The following ADAM12 variants were observed in gnomAD, a reference collection of about 807,000 sequenced individuals.
ADAM12 encodes the protein disintegrin and metalloproteinase domain-containing protein 12.
A neutral mutation model predicts 106.4 loss-of-function variants in ADAM12; 70 were observed. The observed-to-expected ratio is 0.66, with a 90% CI of 0.54 to 0.80. The LOEUF (loss-of-function observed/expected upper bound fraction) is 0.80. ADAM12 is among the 30% of genes least tolerant of loss of function. The pLI is 0.00. For missense variants in ADAM12, 1,010 were observed against 1,171.9 expected (o/e 0.86, Z 2.02); for synonymous variants, 420 against 433.5 (o/e 0.97, Z 0.39).
intron 3 of ADAM12, among the ~76,000 whole-genome samples, chr10:126,193,909 A>G (rs111639870): frequency 5.7e-5 from 6 of 105,246 alleles, no homozygotes; most frequent in Non-Finnish European, 9.4e-5. Context: ...AAAATGAAAT[A>G]AAATAAAATA....
intron 21 of ADAM12, among the ~76,000 whole-genome samples, chr10:126,022,266 A>AT (rs1260414535): frequency 1.3e-5 from 2 of 152,216 alleles, no homozygotes; most frequent in Non-Finnish European, 2.9e-5. Context: ...AAGATAAATT[A>AT]TATGGTCACC....
intron 1 of ADAM12, among the ~76,000 whole-genome samples, chr10:126,341,175 C>G (rs186354557): frequency 1.3e-5 from 2 of 152,262 alleles, no homozygotes; most frequent in African/African-American, 4.8e-5. Context: ...CTTCCCGGCC[C>G]GTCATCCTTT....
chr10:126,149,933 T>C (rs1460954629), intron 4 of ADAM12, among the ~76,000 whole-genome samples: 1 of 152,228 alleles, frequency 6.6e-6, no homozygotes, highest in Non-Finnish European at 1.5e-5. Flanking sequence ...CTCCCCTTCA[T>C]ATATACATCT....
intron 5 of ADAM12, among the ~76,000 whole-genome samples, chr10:126,121,282 CTATAT>C (rs1319807933): frequency 2.1e-4 from 22 of 107,018 alleles, no homozygotes; most frequent in Non-Finnish European, 3.4e-4. Context: ...ATATAATATA[CTATAT>C]TATATTATAC....
chr10:126,347,431 C>T (rs1177328404), intron 1 of ADAM12, among the ~76,000 whole-genome samples: 2 of 152,208 alleles, frequency 1.3e-5, no homozygotes, highest in South Asian at 2.1e-4. Flanking sequence ...GTAACCCGAC[C>T]TTTCTCTCTG....
intron 3 of ADAM12, among the ~76,000 whole-genome samples, chr10:126,196,729 G>T (rs1297192802): frequency 6.6e-6 from 1 of 152,124 alleles, no homozygotes; most frequent in Non-Finnish European, 1.5e-5. Flanking sequence ...CATAGTTCAT[G>T]GTAACTGCCT....
chr10:126,190,863 G>A (rs897367911), intron 3 of ADAM12, among the ~76,000 whole-genome samples: 9 of 152,096 alleles, frequency 5.9e-5, no homozygotes, highest in African/African-American at 2.2e-4. Context: ...TAAGATAGTG[G>A]GGTTAGAGCA....
intron 2 of ADAM12, among the ~76,000 whole-genome samples, chr10:126,284,025 C>T (rs1959719143): frequency 6.6e-6 from 1 of 152,142 alleles, no homozygotes; most frequent in African/African-American, 2.4e-5. Flanking sequence ...TGTTCCAGCA[C>T]CATTTGTTAA....
At chr10:126,039,573 G>C in intron 18 of ADAM12, 144 bp from the exon 19 acceptor site, 8 of 971,806 alleles carry the variant, frequency 8.2e-6, no homozygotes, top group Non-Finnish European at 1.2e-5. Context: ...CTAATAAACT[G>C]TCTTACTTCA....
intron 1 of ADAM12, among the ~76,000 whole-genome samples, chr10:126,346,903 A>G (rs1200128461): frequency 2.0e-5 from 3 of 151,856 alleles, no homozygotes; most frequent in Non-Finnish European, 4.4e-5. Context: ...CTTTATTTTG[A>G]GCCTATGTGT....
rs182397427 is a variant in ADAM12, at chr10:126,368,958, C to T, written c.88+19100G>A. On this transcript the variant is annotated intron_variant, in intron 1 of 22. Transcript: ENST00000448723. Reference sequence around the variant, plus strand: ...AGCTAAAATTAATAGAGACCTCTTGCGATTTTTATTAGACTATCAGCTCAC... The same window carrying T: ...AGCTAAAATTAATAGAGACCTCTTGTGATTTTTATTAGACTATCAGCTCAC... Among the ~76,000 whole-genome samples, 363 of 152,168 alleles carry T rather than the reference C, an allele frequency of 2.4e-3. 8 individuals are homozygous for T. In the South Asian group the frequency reaches 0.025, roughly 10 times the overall value.
chr10:126,145,360 C>T (rs950897599), intron 4 of ADAM12: 1 of 152,572 alleles, frequency 6.6e-6, no homozygotes, highest in Admixed American at 6.5e-5. Flanking sequence ...ATGCTACCCG[C>T]TTCCCCAATC....
intron 6 of ADAM12, among the ~76,000 whole-genome samples, chr10:126,110,280 T>C (rs1309628170): frequency 6.6e-6 from 1 of 152,148 alleles, no homozygotes; most frequent in Non-Finnish European, 1.5e-5. Context: ...ACTGTGGCTG[T>C]TCCCTTTGTC....
chr10:126,318,692 A>T (rs1853982366), intron 2 of ADAM12, among the ~76,000 whole-genome samples: 1 of 152,242 alleles, frequency 6.6e-6, no homozygotes, highest in Non-Finnish European at 1.5e-5. Flanking sequence ...AATTTGAACA[A>T]TAAAATAAAT....
Position 126,015,234 on chromosome 10 carries a change from G to A in ADAM12, c.*2045C>T, listed in dbSNP as rs557689023. ...CTGGCTCTCTGAAATAGAAGCATAG[G>A]AATTACAGCTAAGAACAAACAACAA... On this transcript the variant is annotated 3_prime_UTR_variant, in exon 23 of 23. Transcript: ENST00000448723. 183 of 152,226 alleles carry A rather than the reference G, an allele frequency of 1.2e-3. No individual in the cohort carries two copies. The highest frequency in any genetic ancestry group is 4.3e-3 in the African/African-American group (178 of 41,544). The allele number at this position is 152,226 out of a possible 1,614,324, so 9.4% of individuals were successfully genotyped here.
chr10:126,187,997 A>T (rs1292165313), intron 3 of ADAM12, among the ~76,000 whole-genome samples: 1 of 152,164 alleles, frequency 6.6e-6, no homozygotes, highest in East Asian at 1.9e-4. Flanking sequence ...CAGACACCTA[A>T]GGGATCTGCA....
chr10:126,227,873 T>A (rs1958229780), intron 3 of ADAM12, among the ~76,000 whole-genome samples: 1 of 151,952 alleles, frequency 6.6e-6, no homozygotes, highest in South Asian at 2.1e-4. Flanking sequence ...GAGAGGACAG[T>A]GAGGAGGGAG....
At chr10:126,116,937 T>C (rs1269558674) in intron 6 of ADAM12, among the ~76,000 whole-genome samples, 1 of 152,062 alleles carries the variant, frequency 6.6e-6, no homozygotes, top group Non-Finnish European at 1.5e-5. Flanking sequence ...AAATATTGAG[T>C]GCTAAGCAGT....
At chr10:126,041,805 G>A in intron 18 of ADAM12, 1 of 1,150,688 alleles carries the variant, frequency 8.7e-7, no homozygotes, top group Non-Finnish European at 1.1e-6. Context: ...TCAGTGAAAG[G>A]CCAGACTTTT....
Sources: gnomAD v4.1 joint callset for allele counts (sites outside exome capture counted in the v4.1 genomes callset) on GRCh38, gnomAD v4.1.1 for gene constraint, MANE v1.5 for transcripts, NCBI Gene and HGNC (gene_info 2026-07-23, HGNC 2026-07-21) for gene names.